The following GREB1 variants were observed in gnomAD, a reference collection of about 807,000 sequenced individuals.
GREB1 encodes growth regulating estrogen receptor binding 1.
A neutral mutation model predicts 200.7 loss-of-function variants in GREB1; 106 were observed. The observed-to-expected ratio is 0.53, with a 90% CI of 0.45 to 0.62. The LOEUF (loss-of-function observed/expected upper bound fraction) is 0.62. Ranked by LOEUF, GREB1 falls within the 20% of genes least tolerant of loss-of-function variation. GREB1 has a pLI of 0.00. For synonymous variants in GREB1, 1,132 were observed against 1,092.4 expected, an observed-to-expected ratio of 1.04 and a Z score of -0.72; for missense variants, 2,243 against 2,556.8, an observed-to-expected ratio of 0.88 and a Z score of 2.65.
At position 11,632,889 on chromosome 2, in the gene GREB1, G is replaced by A; in HGVS notation, c.4817G>A (p.Gly1606Asp). The A allele has an allele frequency of 6.2e-7, 1 of 1,613,520 alleles. No homozygotes were observed. Among genetic ancestry groups the A allele is most frequent in the Non-Finnish European group, 8.5e-7 (1 of 1,179,730 alleles). ...AGTCCAGGTGCTTTGCCCACTGCAG[G>A]TGCTGCTCATTTCCTCATCAAGGAG... The part of the protein sequence containing the change: ...LPSIFNSAGV[G>D]AAHFLIKELS... The change falls in exon 28 of 33, where the codon GGT becomes GAT. Residue 1606 changes from glycine to aspartate, a missense_variant and splice_region_variant. By Grantham distance (94) the Gly-to-Asp change is moderately conservative (BLOSUM62 -1). Around this residue, in one of 3 missense-constraint regions of GREB1, gnomAD observed 478 missense variants for 616.3 expected, o/e 0.78. Coordinates refer to ENST00000381486, the MANE Select transcript of GREB1 (RefSeq NM_014668.4).
At chr2:11,621,435 C>T (rs1336835659) in intron 23 of GREB1, among the ~76,000 whole-genome samples, 2 of 152,232 alleles carry the variant, frequency 1.3e-5, no homozygotes, top group East Asian at 1.9e-4. Context: ...GTTTCCTGCT[C>T]AGGCAGCTGA....
rs972021226 is a variant in GREB1, at chr2:11,492,610, A to C, written c.-159+10229A>C. ...CCCACTCACTGGGGCCTGTGAGTGCATGAATGGGGGTGGGGACAGTGGGAA... is the reference window on the plus strand; with the variant it reads ...CCCACTCACTGGGGCCTGTGAGTGCCTGAATGGGGGTGGGGACAGTGGGAA... On this transcript the variant is annotated intron_variant, in intron 1 of 2. Coordinates refer to the GREB1 transcript ENST00000628795. The surrounding 1 kb of genome is among the most constrained non-coding windows in gnomAD (Gnocchi z 4.0). Among the ~76,000 whole-genome samples, 33 of 152,200 alleles carry C rather than the reference A, an allele frequency of 2.2e-4. No homozygotes were observed. The highest frequency in any genetic ancestry group is 1.5e-5 in the Non-Finnish European group (1 of 68,026).
In GREB1 at chr2:11,598,713, A is replaced by C. The variant is rs1248048406; in HGVS notation, c.2186A>C (p.His729Pro). The C allele has an allele frequency of 1.2e-6, 2 of 1,614,228 alleles. No individual in the cohort carries two copies. The highest frequency in any genetic ancestry group is 8.5e-7 in the Non-Finnish European group (1 of 1,180,036). The change falls in exon 15 of 33, where the codon CAC becomes CCC. Residue 729 changes from histidine (H) to proline (P), a missense_variant. This residue lies in a region of GREB1 where 1,178 missense variants were observed against 1,387.4 expected (regional missense o/e 0.85). Coordinates refer to ENST00000381486, the MANE Select transcript of GREB1 (RefSeq NM_014668.4). ...VLLELGLKKEHMTKQRVEQYV... is the reference protein window; with the variant it reads ...VLLELGLKKEPMTKQRVEQYV... ...CTGGAGCTTGGTCTGAAGAAAGAGC[A>C]CATGACGAAGCAGAGGGTGGAACAG...
intron 4 of GREB1, among the ~76,000 whole-genome samples, chr2:11,569,405 A>G (rs967955141): frequency 3.9e-5 from 6 of 152,268 alleles, no homozygotes; most frequent in South Asian, 2.1e-4. Flanking sequence ...AAATCTTACA[A>G]TACATCCATG....
chr2:11,514,719 A>T (rs527742933), intron 1 of GREB1, among the ~76,000 whole-genome samples: 3 of 152,160 alleles, frequency 2.0e-5, no homozygotes, highest in African/African-American at 7.2e-5. Flanking sequence ...AGTCTGCACA[A>T]CCCCTCTGTG....
At position 11,542,238 on chromosome 2, in the gene GREB1, C is replaced by T. The variant is rs111431328; in HGVS notation, c.-162+7984C>T. 2.6e-3 allele frequency among the ~76,000 whole-genome samples: 396 copies of T among 152,312 alleles called. 2 individuals carry two copies. Among genetic ancestry groups the T allele is most frequent in the African/African-American group, 9.1e-3 (380 of 41,556 alleles). On this transcript the variant is annotated intron_variant, in intron 1 of 32. Transcript: ENST00000381486. Reference sequence around the variant, plus strand: ...GATTCTGGAAGAGGAAAGTTCTTTGCTTCTCACAGGGCAGGCATAGAACAG... The same window carrying T: ...GATTCTGGAAGAGGAAAGTTCTTTGTTTCTCACAGGGCAGGCATAGAACAG...
chr2:11,545,951 G>T (rs1675233757), intron 1 of GREB1, among the ~76,000 whole-genome samples: 1 of 152,236 alleles, frequency 6.6e-6, no homozygotes, highest in Non-Finnish European at 1.5e-5. Context: ...GCTGAGGCGG[G>T]TGGATCACTT....
intron 31 of GREB1, 58 bp from the exon 32 acceptor site, chr2:11,638,613 A>G: frequency 6.5e-7 from 1 of 1,550,130 alleles, no homozygotes; most frequent in Non-Finnish European, 8.8e-7. Flanking sequence ...CCTGTAGTAT[A>G]ATGTTACTGA....
intron 11 of GREB1, among the ~76,000 whole-genome samples, chr2:11,593,805 A>G (rs1034503372): frequency 1.3e-5 from 2 of 151,944 alleles, no homozygotes; most frequent in African/African-American, 2.4e-5. Flanking sequence ...TTGAGGCCCC[A>G]CATGTACAGC....
At chr2:11,490,390 C>G (rs953438927) in intron 1 of GREB1, among the ~76,000 whole-genome samples, 4 of 152,170 alleles carry the variant, frequency 2.6e-5, no homozygotes, top group African/African-American at 9.7e-5. Flanking sequence ...ATCAGAACTT[C>G]GTTTCTTTAT....
chr2:11,483,687 GGTGTGTGTGT>G (rs57352590), intron 1 of GREB1, among the ~76,000 whole-genome samples: 6,412 of 132,306 alleles, frequency 0.048, 298 homozygotes, highest in African/African-American at 0.12. Context: ...TACAAGAAGG[GGTGTGTGTGT>G]GTGTGTGTGT....
chr2:11,533,151 G>T (rs998115633), upstream of GREB1, among the ~76,000 whole-genome samples: 2 of 152,202 alleles, frequency 1.3e-5, no homozygotes, highest in African/African-American at 4.8e-5. Flanking sequence ...AAGAGGTTTT[G>T]CACATCCCAA....
At chr2:11,612,666 C>G in intron 19 of GREB1, 56 bp downstream of exon 19, 1 of 1,111,492 alleles carries the variant, frequency 9.0e-7, no homozygotes. Flanking sequence ...GCCTGGGCCC[C>G]CTCAAGGAGC....
chr2:11,608,769 T>C (rs149390611), intron 17 of GREB1, among the ~76,000 whole-genome samples: 41 of 152,372 alleles, frequency 2.7e-4, no homozygotes, highest in Admixed American at 6.5e-4. Context: ...TTAATTCGTT[T>C]GCAACCAAAG....
chr2:11,519,376 C>T (rs1673625511), intron 1 of GREB1, among the ~76,000 whole-genome samples: 2 of 151,632 alleles, frequency 1.3e-5, no homozygotes, highest in African/African-American at 2.4e-5. Context: ...GTTAGTAAGT[C>T]CCCCAGGTAT....
rs751895287 is a variant in GREB1 at position 11,566,462 on chromosome 2, C to G, written c.278-18C>G. 1 of 1,589,862 alleles carries G rather than the reference C, an allele frequency of 6.3e-7. No individual in the cohort carries two copies. Among genetic ancestry groups the G allele is most frequent in the African/African-American group, 1.3e-5 (1 of 74,426 alleles). On this transcript the variant is annotated intron_variant, in intron 3 of 32. Transcript: ENST00000381486. ...GGGAAGCCCTGGGCAGCGTGTGAAC[C>G]CTGTCCACCCCTCCTAGGGTTTTGC...
chr2:11,574,014 G>A (rs1002039022), intron 4 of GREB1, among the ~76,000 whole-genome samples: 8 of 152,238 alleles, frequency 5.3e-5, no homozygotes, highest in African/African-American at 1.9e-4. Flanking sequence ...GAGCTCTGAA[G>A]GTTTCTTCGG....
chr2:11,598,766 C>G lies in GREB1; in HGVS notation c.2239C>G (p.Gln747Glu), dbSNP rs766653116. ...TGTTCTGAAGCTAGACACGGAGGCA[C>G]AGACAAAATTTAAGGCTTTTCTGCA... Reference protein sequence around the residue: ...QYVLKLDTEAQTKFKAFLQNS... With the variant: ...QYVLKLDTEAETKFKAFLQNS... The change falls in exon 15 of 33, where the codon CAG (glutamine) becomes GAG (glutamate). Residue 747 changes from glutamine to glutamate, a missense_variant. Transcript: ENST00000381486. The G allele has an allele frequency of 1.9e-6, 3 of 1,614,046 alleles. No homozygotes were observed. The South Asian group carries it at 3.3e-5, about 18-fold the overall frequency.
chr2:11,639,900 C>T (rs1370808746), intron 32 of GREB1, among the ~76,000 whole-genome samples: 4 of 151,986 alleles, frequency 2.6e-5, no homozygotes, highest in African/African-American at 9.7e-5. Flanking sequence ...GTGGGGGCTG[C>T]CCCAGGCCTG....
Sources: allele counts gnomAD v4.1 joint callset (sites outside exome capture counted in the v4.1 genomes callset), GRCh38; gene constraint gnomAD v4.1.1; regional missense constraint gnomAD v4.1.1; non-coding constraint Gnocchi (gnomAD v3.1); transcripts MANE v1.5; gene names NCBI Gene and HGNC (gene_info 2026-07-23, HGNC 2026-07-21).